The following AIG1 variants were observed in gnomAD, a reference collection of about 807,000 sequenced individuals.
AIG1 encodes the protein androgen-induced gene 1 protein.
Under a neutral mutation model 31.4 loss-of-function variants are expected in AIG1, and 23 were observed. The ratio of observed to expected loss-of-function variants is 0.73; its 90% CI spans 0.53 to 1.04. The LOEUF is 1.04. Ranked by LOEUF, AIG1 falls within the 50% of genes least tolerant of loss-of-function variation. The pLI is 0.00. For missense variants in AIG1, 274 were observed against 295.0 expected (o/e 0.93, Z 0.52); for synonymous variants, 100 against 110.5 (o/e 0.90, Z 0.60).
Position 143,258,449 on chromosome 6 carries a change from G to A in AIG1, c.400-25661G>A, listed in dbSNP as rs1795517103. ...TCTTAGCCACTGCTAACACTAAAGA[G>A]AGCAATATCTTCCATTCTTACCCAT... On this transcript the variant is annotated intron_variant, in intron 3 of 5. Coordinates refer to ENST00000357847, the MANE Select transcript of AIG1 (RefSeq NM_016108.4). This position sits in a 1 kb window ranked among gnomAD's most constrained non-coding sequence, Gnocchi z 4.7. Among the ~76,000 whole-genome samples the A allele has an allele frequency of 6.6e-6, 1 of 152,224 alleles. No individual in the cohort carries two copies. The highest frequency in any genetic ancestry group is 2.4e-5 in the African/African-American group (1 of 41,458).
rs145115004 is a variant in AIG1 at position 143,173,895 on chromosome 6, G to T, written c.399+8712G>T. Among the ~76,000 whole-genome samples, 1,511 of 152,268 alleles carry T rather than the reference G, an allele frequency of 9.9e-3. 21 individuals are homozygous for T. The highest frequency in any genetic ancestry group is 0.035 in the African/African-American group (1,444 of 41,564). ...GGTAGAATGTTCTGTAAATATCTGT[G>T]AAGTCCATTTGTTCTAGGGTATAGG... On this transcript the variant is annotated intron_variant, in intron 3 of 5. Coordinates refer to ENST00000357847, the MANE Select transcript of AIG1 (RefSeq NM_016108.4).
intron 3 of AIG1, among the ~76,000 whole-genome samples, chr6:143,242,723 C>T (rs949151716): frequency 6.6e-6 from 1 of 152,162 alleles, no homozygotes; most frequent in African/African-American, 2.4e-5. Context: ...TACAGATAAA[C>T]CTAAATTAGT....
chr6:143,242,585 A>G (rs1794317642), intron 3 of AIG1, among the ~76,000 whole-genome samples: 1 of 152,140 alleles, frequency 6.6e-6, no homozygotes. Context: ...ACTCTAAACC[A>G]TGGGTTGTTT....
chr6:143,223,428 T>G (rs1385915188), intron 3 of AIG1, among the ~76,000 whole-genome samples: 1 of 152,118 alleles, frequency 6.6e-6, no homozygotes, highest in African/African-American at 2.4e-5. Context: ...CAATTGGAAG[T>G]TTGAAAAAAG....
At chr6:143,108,754 GTTTA>G (rs1419729954) in intron 1 of AIG1, among the ~76,000 whole-genome samples, 2 of 152,082 alleles carry the variant, frequency 1.3e-5, no homozygotes, top group Non-Finnish European at 2.9e-5. Flanking sequence ...CCATTATCCT[GTTTA>G]TTTGTTTATA....
intron 3 of AIG1, chr6:143,187,489 T>C (rs545645674): frequency 6.5e-7 from 1 of 1,535,246 alleles, no homozygotes; most frequent in East Asian, 2.4e-5. Context: ...ATTGAAGACA[T>C]ATGCACAAAA....
intron 3 of AIG1, chr6:143,187,245 C>T (rs577475077): frequency 3.1e-5 from 20 of 652,544 alleles, no homozygotes; most frequent in Middle Eastern, 5.1e-4. Flanking sequence ...AAGAATTCCC[C>T]CTTCATCATA....
chr6:143,331,782 C>G lies in AIG1; in HGVS notation c.516-1500C>G, dbSNP rs1001713742. On this transcript the variant is annotated intron_variant, in intron 4 of 5. Coordinates refer to ENST00000357847, the MANE Select transcript of AIG1 (RefSeq NM_016108.4). This position sits in a 1 kb window ranked among gnomAD's most constrained non-coding sequence, Gnocchi z 4.1. ...GGGGGGATCTCACCCTCATTGATAA[C>G]GCAGGTTCTCAGGTATAGATCCCCA... 5.3e-5 allele frequency among the ~76,000 whole-genome samples: 8 copies of G among 151,516 alleles called. No homozygotes were observed. Among genetic ancestry groups the G allele is most frequent in the African/African-American group, 1.9e-4 (8 of 41,308 alleles).
At chr6:143,251,621 T>A (rs1795019885) in intron 3 of AIG1, among the ~76,000 whole-genome samples, 1 of 152,146 alleles carries the variant, frequency 6.6e-6, no homozygotes, top group East Asian at 1.9e-4. Flanking sequence ...TAATACCTAT[T>A]TGCTGAATGA....
At chr6:143,155,615 G>C (rs958927044) in intron 2 of AIG1, among the ~76,000 whole-genome samples, 1 of 152,112 alleles carries the variant, frequency 6.6e-6, no homozygotes, top group Non-Finnish European at 1.5e-5. Context: ...CAAGAAACTG[G>C]GGGGAGAAAA....
At chr6:143,140,877 C>A (rs1784188789) in intron 2 of AIG1, among the ~76,000 whole-genome samples, 1 of 152,194 alleles carries the variant, frequency 6.6e-6, no homozygotes, top group African/African-American at 2.4e-5. Flanking sequence ...TACCAGACAT[C>A]CTATAGCTAC....
chr6:143,342,778 G>T, downstream of AIG1: 1 of 810,734 alleles, frequency 1.2e-6, no homozygotes, highest in South Asian at 1.3e-5. Flanking sequence ...AAACGTCCTT[G>T]TATTCTGTTT....
intron 3 of AIG1, among the ~76,000 whole-genome samples, chr6:143,181,164 A>T (rs1047374821): frequency 2.0e-5 from 3 of 152,206 alleles, no homozygotes; most frequent in Non-Finnish European, 2.9e-5. Flanking sequence ...AATATTTCAT[A>T]TGAAAAAAAA....
intron 1 of AIG1, among the ~76,000 whole-genome samples, chr6:143,101,516 G>T (rs1365176765): frequency 6.6e-6 from 1 of 152,150 alleles, no homozygotes; most frequent in African/African-American, 2.4e-5. Flanking sequence ...AGGTAGAGAT[G>T]AAGGGGAGGA....
At chr6:143,072,348 A>G (rs928695612) in intron 1 of AIG1, among the ~76,000 whole-genome samples, 1 of 151,834 alleles carries the variant, frequency 6.6e-6, no homozygotes, top group Non-Finnish European at 1.5e-5. Flanking sequence ...TCTTTTTTTT[A>G]TTTAGACTAT....
chr6:143,271,900 G>GT (rs911741356), intron 3 of AIG1, among the ~76,000 whole-genome samples: 5 of 152,024 alleles, frequency 3.3e-5, no homozygotes, highest in Non-Finnish European at 5.9e-5. Context: ...AATTGCAAGT[G>GT]TTTTTTTCTC....
intron 4 of AIG1, among the ~76,000 whole-genome samples, chr6:143,311,079 C>A (rs1403299792): frequency 6.6e-6 from 1 of 151,852 alleles, no homozygotes; most frequent in Non-Finnish European, 1.5e-5. Context: ...GAGGGAATAC[C>A]TCCTAACTCA....
In AIG1 at chr6:143,328,162, T is replaced by C. The variant is rs1017524191; in HGVS notation, c.516-5120T>C. On this transcript the variant is annotated intron_variant, in intron 4 of 5. Coordinates refer to ENST00000357847, the MANE Select transcript of AIG1 (RefSeq NM_016108.4). This position sits in a 1 kb window ranked among gnomAD's most constrained non-coding sequence, Gnocchi z 4.0. ...TGGTAGGAGGAAAACCAAGAGAAAT[T>C]GATGTCAAAGAAACCAGTATCTTTT... 2.6e-5 allele frequency among the ~76,000 whole-genome samples: 4 copies of C among 152,074 alleles called. No individual in the cohort carries two copies. The highest frequency in any genetic ancestry group is 5.9e-5 in the Non-Finnish European group (4 of 68,012).
chr6:143,324,278 A>G (rs896482493), intron 4 of AIG1, among the ~76,000 whole-genome samples: 4 of 152,110 alleles, frequency 2.6e-5, no homozygotes, highest in African/African-American at 7.2e-5. Flanking sequence ...AAAATTCTGA[A>G]CTCTGCGTTT....
Sources: allele counts gnomAD v4.1 joint callset (sites outside exome capture counted in the v4.1 genomes callset), GRCh38; gene constraint gnomAD v4.1.1; non-coding constraint Gnocchi (gnomAD v3.1); transcripts MANE v1.5; gene names NCBI Gene and HGNC (gene_info 2026-07-23, HGNC 2026-07-21).